Variants in LRRTM4 observed in about 807,000 individuals in gnomAD.
LRRTM4 encodes leucine rich repeat transmembrane neuronal 4, also known as leucine-rich repeat transmembrane neuronal protein 4.
LRRTM4 carries 25 observed loss-of-function variants against 47.6 expected under a neutral mutation model. The ratio of observed to expected loss-of-function variants is 0.53; its 90% CI spans 0.38 to 0.73. The LOEUF (loss-of-function observed/expected upper bound fraction) is 0.73. Among genes scored for constraint, LRRTM4 ranks in the 30% least tolerant of loss-of-function variants. The pLI is 0.00. For synonymous variants in LRRTM4, 311 were observed against 269.5 expected, an observed-to-expected ratio of 1.15 and a Z score of -1.51; for missense variants, 638 against 713.4, an observed-to-expected ratio of 0.89 and a Z score of 1.20.
Position 76,946,044 on chromosome 2 carries a change from T to G in LRRTM4, c.1552-197128A>C, listed in dbSNP as rs527320761. Among the ~76,000 whole-genome samples, 4 of 152,000 alleles carry G rather than the reference T, an allele frequency of 2.6e-5. No homozygotes were observed. In the East Asian group the frequency reaches 7.7e-4, roughly 29 times the overall value. ...GCAATATCACTAAAGTATAGCATTT[T>G]GCCAAGTTTCATACACATAGGCACA... On this transcript the variant is annotated intron_variant, in intron 3 of 3. Coordinates refer to ENST00000409884, the MANE Select transcript of LRRTM4 (RefSeq NM_001134745.3).
chr2:77,028,794 G>C (rs1678541975), intron 3 of LRRTM4, among the ~76,000 whole-genome samples: 1 of 151,802 alleles, frequency 6.6e-6, no homozygotes, highest in Non-Finnish European at 1.5e-5. Context: ...CCAGCACTTT[G>C]GGAGGCTGAG....
At chr2:77,146,172 G>T (rs1672257096) in intron 3 of LRRTM4, among the ~76,000 whole-genome samples, 1 of 152,108 alleles carries the variant, frequency 6.6e-6, no homozygotes, top group Non-Finnish European at 1.5e-5. Flanking sequence ...ACATTGAACA[G>T]TTTTGTTCCT....
chr2:77,091,246 T>TC (rs776151825), intron 3 of LRRTM4, among the ~76,000 whole-genome samples: 3 of 137,876 alleles, frequency 2.2e-5, no homozygotes, highest in Non-Finnish European at 4.8e-5. Flanking sequence ...TCCTCTTGTA[T>TC]CCCCCCACCT....
intron 3 of LRRTM4, among the ~76,000 whole-genome samples, chr2:77,242,283 A>G (rs1675289328): frequency 6.6e-6 from 1 of 152,164 alleles, no homozygotes; most frequent in Non-Finnish European, 1.5e-5. Context: ...CTGTGACACC[A>G]AAAGCACAGG....
At chr2:77,317,895 T>C (rs2104216536) in intron 3 of LRRTM4, among the ~76,000 whole-genome samples, 2 of 152,146 alleles carry the variant, frequency 1.3e-5, no homozygotes, top group African/African-American at 4.8e-5. Context: ...TCAGTGAGAA[T>C]GTTAACAAAG....
chr2:76,790,545 A>AAAAACATGTAAAATCCTAATAGT (rs2103710418), intron 3 of LRRTM4, among the ~76,000 whole-genome samples: 1 of 152,298 alleles, frequency 6.6e-6, no homozygotes, highest in Non-Finnish European at 1.5e-5. Flanking sequence ...TTTAAATAAG[A>AAAAACATGTAAAATCCTAATAGT]AAAACATGTA....
intron 3 of LRRTM4, among the ~76,000 whole-genome samples, chr2:77,363,598 G>A (rs1672322495): frequency 6.6e-6 from 1 of 152,148 alleles, no homozygotes; most frequent in South Asian, 2.1e-4. Flanking sequence ...GGTTTACTGA[G>A]CTTTGCATCC....
At chr2:77,319,189 C>A (rs1363716296) in intron 3 of LRRTM4, among the ~76,000 whole-genome samples, 1 of 152,008 alleles carries the variant, frequency 6.6e-6, no homozygotes, top group Non-Finnish European at 1.5e-5. Context: ...GTTCCAAGAC[C>A]AGCCTGGTCA....
chr2:77,519,614 G>C lies in LRRTM4; in HGVS notation c.255C>G (p.Asn85Lys). 1 of 1,613,458 alleles carries C rather than the reference G, an allele frequency of 6.2e-7. No individual in the cohort carries two copies. The highest frequency in any genetic ancestry group is 1.1e-5 in the South Asian group (1 of 91,078). ...KLKSNQFAGL[N>K]QLIWLYLDHN... is the part of the protein sequence containing the mutation. The stretch of plus-strand genomic sequence containing the variant: ...GGTCAAGATAAAGCCATATAAGCTG[G>C]TTAAGGCCGGCAAACTGATTGGATT... Residue 85 changes from asparagine to lysine, a missense_variant, in exon 3 of 4, where the codon AAC (asparagine) becomes AAG (lysine). Coordinates refer to ENST00000409884, the MANE Select transcript of LRRTM4 (RefSeq NM_001134745.3). This position sits in a 1 kb window ranked among gnomAD's most constrained non-coding sequence, Gnocchi z 4.6.
At chr2:77,062,508 T>C (rs1364544697) in intron 3 of LRRTM4, among the ~76,000 whole-genome samples, 1 of 152,168 alleles carries the variant, frequency 6.6e-6, no homozygotes, top group African/African-American at 2.4e-5. Flanking sequence ...TAATCTGATC[T>C]GGTAATTATT....
chr2:76,759,692 C>T (rs920690128), intron 3 of LRRTM4, among the ~76,000 whole-genome samples: 4 of 151,856 alleles, frequency 2.6e-5, no homozygotes, highest in African/African-American at 9.7e-5. Context: ...TCAATTTCAC[C>T]AAGCCTTTTC....
At chr2:76,881,599 C>T (rs990387300) in intron 3 of LRRTM4, among the ~76,000 whole-genome samples, 28 of 149,256 alleles carry the variant, frequency 1.9e-4, no homozygotes, top group Middle Eastern at 3.6e-3. Flanking sequence ...GTTTTAAATT[C>T]TCCTTGTGAT....
At chr2:77,052,754 GTTTC>G (rs958921438) in intron 3 of LRRTM4, among the ~76,000 whole-genome samples, 3 of 151,988 alleles carry the variant, frequency 2.0e-5, no homozygotes, top group Admixed American at 6.6e-5. Flanking sequence ...CCTCGTGAAA[GTTTC>G]TATTGATTTT....
At chr2:77,303,302 G>A (rs895573443) in intron 3 of LRRTM4, among the ~76,000 whole-genome samples, 1 of 151,972 alleles carries the variant, frequency 6.6e-6, no homozygotes, top group African/African-American at 2.4e-5. Context: ...GTCCTTTCTT[G>A]TTTTCCAGAA....
At chr2:77,050,201 C>G (rs1366048254) in intron 3 of LRRTM4, among the ~76,000 whole-genome samples, 1 of 127,066 alleles carries the variant, frequency 7.9e-6, no homozygotes, top group Admixed American at 9.2e-5. Context: ...ATGTAAAAAT[C>G]TGGGATTCTG....
At position 77,521,742 on chromosome 2, in the gene LRRTM4, C is replaced by T; in HGVS notation, c.-71G>A. 1 of 1,556,534 alleles carries T rather than the reference C, an allele frequency of 6.4e-7. No homozygotes were observed. The highest frequency in any genetic ancestry group is 8.8e-7 in the Non-Finnish European group (1 of 1,130,016). On this transcript the variant is annotated 5_prime_UTR_variant, in exon 2 of 4. In the 5' UTR this introduces an upstream ATG that the reference lacks. Transcript: ENST00000409884. ...TATTTGGTCTCTTGTGCGGAAACCA[C>T]CACCACCTTCATGACACAGTGCGGC...
intron 3 of LRRTM4, among the ~76,000 whole-genome samples, chr2:76,842,392 A>G (rs1025091440): frequency 6.6e-6 from 1 of 152,212 alleles, no homozygotes; most frequent in African/African-American, 2.4e-5. Flanking sequence ...TACATGTTTT[A>G]ATAAATATGT....
At position 77,180,511 on chromosome 2, in the gene LRRTM4, T is replaced by G. The variant is rs1053278973; in HGVS notation, c.1551+337807A>C. Among the ~76,000 whole-genome samples the G allele has an allele frequency of 1.3e-5, 2 of 152,166 alleles. 1 individual carries two copies. Among genetic ancestry groups the G allele is most frequent in the South Asian group, 4.1e-4 (2 of 4,836 alleles). On this transcript the variant is annotated intron_variant, in intron 3 of 3. Transcript: ENST00000409884. Reference sequence around the variant, plus strand: ...CTCTTTGCCTTAATTACTGCAACAATAAAATGGAGATTTAGTTCTTCCTAT... The same window carrying G: ...CTCTTTGCCTTAATTACTGCAACAAGAAAATGGAGATTTAGTTCTTCCTAT...
At chr2:76,933,315 A>C (rs1436269602) in intron 3 of LRRTM4, among the ~76,000 whole-genome samples, 1 of 152,130 alleles carries the variant, frequency 6.6e-6, no homozygotes, top group Non-Finnish European at 1.5e-5. Context: ...ATAACTTGCC[A>C]ATCACTACAT....
Sources: allele counts gnomAD v4.1 joint callset (sites outside exome capture counted in the v4.1 genomes callset), GRCh38; gene constraint gnomAD v4.1.1; non-coding constraint Gnocchi (gnomAD v3.1); transcripts MANE v1.5; gene names NCBI Gene and HGNC (gene_info 2026-07-23, HGNC 2026-07-21).